Variants in CD2AP observed in about 807,000 individuals in gnomAD.
The protein encoded by CD2AP is CD2 associated protein.
In CD2AP, 46 loss-of-function variants were observed where a neutral mutation model predicts 85.1. The observed-to-expected ratio is 0.54, with a 90% CI of 0.43 to 0.69. CD2AP has a LOEUF of 0.69. Ranked by LOEUF, CD2AP falls within the 30% of genes least tolerant of loss-of-function variation. The pLI is 0.00. For synonymous variants in CD2AP, 255 were observed against 252.9 expected, an observed-to-expected ratio of 1.01 and a Z score of -0.08; for missense variants, 769 against 729.5, an observed-to-expected ratio of 1.05 and a Z score of -0.62.
chr6:47,600,835 G>A (rs1305845229), intron 13 of CD2AP, among the ~76,000 whole-genome samples: 2 of 151,828 alleles, frequency 1.3e-5, no homozygotes, highest in African/African-American at 2.4e-5. Flanking sequence ...TTGAAGAAAA[G>A]CAGATTATTT....
At chr6:47,615,725 C>T (rs1320355330) in intron 17 of CD2AP, among the ~76,000 whole-genome samples, 1 of 151,746 alleles carries the variant, frequency 6.6e-6, no homozygotes, top group Non-Finnish European at 1.5e-5. Context: ...AGATGCAAAT[C>T]GTATCAATGA....
chr6:47,570,205 C>G (rs776548986), intron 5 of CD2AP, among the ~76,000 whole-genome samples: 21 of 151,644 alleles, frequency 1.4e-4, no homozygotes, highest in Non-Finnish European at 2.8e-4. Context: ...TTTCTCCAAA[C>G]AAGTAATTGC....
At position 47,574,220 on chromosome 6, in the gene CD2AP, G is replaced by A. The variant is rs1365666306; in HGVS notation, c.698G>A (p.Ser233Asn). ...GTGAAACTTCGGACAAGAACATCCA[G>A]TAGTGAAACAGAAGAGAAAAAACCA... Reference protein sequence around the residue: ...GSVKLRTRTSSSETEEKKPEK... With the variant: ...GSVKLRTRTSNSETEEKKPEK... Residue 233 changes from serine to asparagine, a missense_variant, in exon 6 of 18, where the codon AGT (serine) becomes AAT (asparagine). Coordinates refer to ENST00000359314, the MANE Select transcript of CD2AP (RefSeq NM_012120.3). 6 of 1,613,896 alleles carry A rather than the reference G, an allele frequency of 3.7e-6. No individual in the cohort carries two copies. The African/African-American group carries it at 4.0e-5, about 11-fold the overall frequency.
intron 12 of CD2AP, 75 bp from the exon 13 acceptor site, chr6:47,599,226 A>G (rs1769038342): frequency 1.1e-5 from 14 of 1,265,464 alleles, no homozygotes; most frequent in South Asian, 7.3e-5. Flanking sequence ...ACAATCTTTA[A>G]TGTCATTAAA....
chr6:47,610,971 A>ATATATATATATATATTTTT, intron 16 of CD2AP, among the ~76,000 whole-genome samples: 12 of 112,864 alleles, frequency 1.1e-4, no homozygotes, highest in African/African-American at 4.3e-4. Flanking sequence ...ATATATATGT[A>ATATATATATATATATTTTT]TTTTTTTTTT....
intron 2 of CD2AP, among the ~76,000 whole-genome samples, chr6:47,517,412 CA>C (rs1485028739): frequency 1.3e-5 from 2 of 151,944 alleles, no homozygotes; most frequent in Non-Finnish European, 2.9e-5. Context: ...CTCAGCCTGA[CA>C]AATAGCTGCG....
intron 16 of CD2AP, among the ~76,000 whole-genome samples, chr6:47,610,972 T>TATATATATATATATATA (rs1491427733): frequency 0.033 from 1,821 of 55,414 alleles, 30 homozygotes; most frequent in East Asian, 0.083. Flanking sequence ...TATATATGTA[T>TATATATATATATATATA]TTTTTTTTTT....
chr6:47,565,831 T>C (rs1278165578), intron 5 of CD2AP, among the ~76,000 whole-genome samples: 1 of 152,200 alleles, frequency 6.6e-6, no homozygotes, highest in Non-Finnish European at 1.5e-5. Flanking sequence ...ACCTACTTAC[T>C]GAATAGTCTG....
intron 2 of CD2AP, among the ~76,000 whole-genome samples, chr6:47,528,060 TATC>T (rs1305072237): frequency 6.6e-6 from 1 of 152,214 alleles, no homozygotes; most frequent in Admixed American, 6.5e-5. Context: ...GTGATTCAGA[TATC>T]ATTTCTAATA....
At chr6:47,481,625 C>T (rs756988829) in intron 1 of CD2AP, among the ~76,000 whole-genome samples, 1 of 150,638 alleles carries the variant, frequency 6.6e-6, no homozygotes, top group African/African-American at 2.4e-5. Context: ...GGATTACAGG[C>T]GTGAGCCACT....
chr6:47,599,358 A>T lies in CD2AP; in HGVS notation c.1332A>T (p.Lys444Asn), dbSNP rs1562050895. 6.2e-7 allele frequency: 1 copy of T among 1,611,880 alleles called. No individual in the cohort carries two copies. The highest frequency in any genetic ancestry group is 8.5e-7 in the Non-Finnish European group (1 of 1,178,458). ...AATTTGAAACTGAGCCAGTATCAAA[A>T]CTAAAGCTAGATTCTGAACAGCTGC... ...SSKFETEPVS[K>N]LKLDSEQLPL... Residue 444 changes from lysine to asparagine, a missense_variant, in exon 13 of 18, where the codon AAA becomes AAT. By Grantham distance (94) the Lys-to-Asn change is moderately conservative. Transcript: ENST00000359314.
At chr6:47,544,945 C>G (rs759313600) in intron 4 of CD2AP, 1 of 378,880 alleles carries the variant, frequency 2.6e-6, no homozygotes, top group Admixed American at 4.2e-5. Context: ...TAGTTAAGAA[C>G]GTAAACAAGC....
intron 16 of CD2AP, 123 bp downstream of exon 16, chr6:47,609,427 A>G: frequency 2.6e-6 from 2 of 781,522 alleles, no homozygotes; most frequent in South Asian, 1.5e-5. Flanking sequence ...CTGTAATCCC[A>G]GCACTTTGGG....
At chr6:47,589,578 A>ATATATATATATATATATATT (rs1768735263) in intron 11 of CD2AP, among the ~76,000 whole-genome samples, 1 of 148,982 alleles carries the variant, frequency 6.7e-6, no homozygotes, top group Non-Finnish European at 1.5e-5. Flanking sequence ...ATATATATAT[A>ATATATATATATATATATATT]TATTTGTCAG....
intron 1 of CD2AP, among the ~76,000 whole-genome samples, chr6:47,494,379 T>G (rs2113970716): frequency 6.6e-6 from 1 of 152,302 alleles, no homozygotes; most frequent in East Asian, 1.9e-4. Context: ...GGAGCCTCAT[T>G]GATATGGTGG....
intron 1 of CD2AP, among the ~76,000 whole-genome samples, chr6:47,483,897 C>G (rs1765506203): frequency 6.7e-6 from 1 of 149,280 alleles, no homozygotes; most frequent in East Asian, 2.0e-4. Context: ...CCTTCTGTTT[C>G]AGAAACAAGT....
chr6:47,479,494 A>C (rs112028353), intron 1 of CD2AP, among the ~76,000 whole-genome samples: 54 of 152,148 alleles, frequency 3.5e-4, no homozygotes, highest in African/African-American at 1.2e-3. Context: ...TAACTTTCAT[A>C]CTCAAAAGTG....
At chr6:47,592,789 G>A (rs911833527) in intron 11 of CD2AP, among the ~76,000 whole-genome samples, 1 of 151,848 alleles carries the variant, frequency 6.6e-6, no homozygotes, top group Non-Finnish European at 1.5e-5. Flanking sequence ...CGGAAACTCT[G>A]CATCTCTTCC....
At chr6:47,602,866 C>T (rs1769177689) in intron 13 of CD2AP, among the ~76,000 whole-genome samples, 1 of 151,756 alleles carries the variant, frequency 6.6e-6, no homozygotes, top group South Asian at 2.1e-4. Flanking sequence ...TGCCATTGCT[C>T]TCCAGCCTGG....
Sources: gnomAD v4.1 joint callset for allele counts (sites outside exome capture counted in the v4.1 genomes callset) on GRCh38, gnomAD v4.1.1 for gene constraint, MANE v1.5 for transcripts, NCBI Gene and HGNC (gene_info 2026-07-23, HGNC 2026-07-21) for gene names.